Variants in CPEB2 observed in about 807,000 individuals in gnomAD.
CPEB2 encodes the protein cytoplasmic polyadenylation element-binding protein 2.
A neutral mutation model predicts 93.6 loss-of-function variants in CPEB2; 56 were observed. The observed-to-expected ratio is 0.60, with a 90% CI of 0.48 to 0.75. The LOEUF (loss-of-function observed/expected upper bound fraction) is 0.75. CPEB2 is among the 30% of genes least tolerant of loss of function. The pLI, the probability that CPEB2 is intolerant of heterozygous loss-of-function variation, is 0.00. For synonymous variants in CPEB2, 764 were observed against 586.3 expected (o/e 1.30, Z -4.38); for missense variants, 1,579 against 1,395.1 (o/e 1.13, Z -2.10).
intron 4 of CPEB2, among the ~76,000 whole-genome samples, chr4:15,027,967 T>G (rs1420231234): frequency 1.3e-5 from 2 of 152,196 alleles, no homozygotes; most frequent in African/African-American, 4.8e-5. Flanking sequence ...TAGCTTTGAG[T>G]TTGTGCGTTT....
intron 2 of CPEB2, among the ~76,000 whole-genome samples, chr4:15,008,110 G>A (rs965592925): frequency 4.0e-5 from 6 of 151,862 alleles, no homozygotes; most frequent in East Asian, 1.9e-4. Context: ...GGCCTAATAC[G>A]TTGATTAGAC....
At chr4:15,064,700 G>T (rs1191295830) in intron 11 of CPEB2, among the ~76,000 whole-genome samples, 1 of 152,122 alleles carries the variant, frequency 6.6e-6, no homozygotes, top group East Asian at 1.9e-4. Context: ...ACTGGGAACT[G>T]AATGTTGAGC....
At position 15,033,173 on chromosome 4, in the gene CPEB2, A is replaced by C. The variant is rs1247531935; in HGVS notation, c.2138A>C (p.Tyr713Ser). The C allele has an allele frequency of 5.6e-6, 9 of 1,605,164 alleles. No individual in the cohort carries two copies. Among genetic ancestry groups the C allele is most frequent in the Admixed American group, 1.7e-5 (1 of 59,784 alleles). ...EHDPLKGRLS[Y>S]PHPGTDNLLM... ...TGTCTTTTTAAAGGTCGATTGAGCT[A>C]TCCACATCCAGGAACTGACAATCTG... Residue 713 changes from tyrosine to serine, a missense_variant, in exon 5 of 12, where the codon TAT (tyrosine) becomes TCT (serine). Transcript: ENST00000538197.
At chr4:15,008,495 TTTA>T in intron 3 of CPEB2, 68 bp downstream of exon 3, 2 of 1,013,304 alleles carry the variant, frequency 2.0e-6, no homozygotes, top group Non-Finnish European at 3.0e-6. Context: ...ATGAGTAGGA[TTTA>T]TTATTTACTT....
intron 6 of CPEB2, 129 bp from the exon 7 acceptor site, chr4:15,052,285 C>A: frequency 1.8e-6 from 1 of 566,660 alleles, no homozygotes; most frequent in Non-Finnish European, 2.9e-6. Context: ...ATTTAAATTT[C>A]TCTTAATTTT....
At chr4:15,061,947 C>A (rs1166577336) in intron 10 of CPEB2, 132 bp from the exon 11 acceptor site, 2 of 793,294 alleles carry the variant, frequency 2.5e-6, no homozygotes, top group Non-Finnish European at 3.9e-6. Context: ...TTAACAACAG[C>A]CTCTTATCTG....
intron 4 of CPEB2, among the ~76,000 whole-genome samples, chr4:15,027,199 T>G (rs975391476): frequency 6.6e-6 from 1 of 152,226 alleles, no homozygotes; most frequent in Non-Finnish European, 1.5e-5. Flanking sequence ...GTATTCTATG[T>G]TCTTTGGTGT....
At chr4:15,031,650 T>C (rs1250157480) in intron 4 of CPEB2, among the ~76,000 whole-genome samples, 2 of 152,170 alleles carry the variant, frequency 1.3e-5, no homozygotes, top group Non-Finnish European at 2.9e-5. Context: ...ATAACACTTA[T>C]TTTACCTGTG....
intron 1 of CPEB2, chr4:15,006,445 AATT>A (rs1451891791): frequency 6.6e-6 from 1 of 151,908 alleles, no homozygotes; most frequent in Non-Finnish European, 1.5e-5. Flanking sequence ...CCAAAACTAC[AATT>A]ATTAGCGTTT....
chr4:15,061,727 A>G (rs1468620798), intron 10 of CPEB2, among the ~76,000 whole-genome samples: 1 of 147,602 alleles, frequency 6.8e-6, no homozygotes, highest in East Asian at 2.0e-4. Context: ...TAGAAGGGAA[A>G]GGGGAGAATT....
chr4:15,051,681 A>G (rs766258756), intron 6 of CPEB2, among the ~76,000 whole-genome samples: 1 of 152,198 alleles, frequency 6.6e-6, no homozygotes, highest in Non-Finnish European at 1.5e-5. Context: ...TACCATGGTT[A>G]CATATATAGA....
intron 10 of CPEB2, among the ~76,000 whole-genome samples, chr4:15,061,441 G>A (rs980650719): frequency 6.6e-6 from 1 of 151,590 alleles, no homozygotes; most frequent in Non-Finnish European, 1.5e-5. Flanking sequence ...GAGAAGGAAG[G>A]GATTAATTGT....
In CPEB2 at chr4:15,006,061, A is replaced by G. The variant is rs1553850386; in HGVS notation, c.1663-1244A>G. Among the ~76,000 whole-genome samples, 6 of 151,900 alleles carry G rather than the reference A, an allele frequency of 3.9e-5. No homozygotes were observed. In the South Asian group the frequency reaches 1.0e-3, roughly 26 times the overall value. On this transcript the variant is annotated intron_variant, in intron 1 of 11. Transcript: ENST00000538197. The stretch of plus-strand genomic sequence containing the variant: ...GTGTGAGAGGTCACACAGCTTTCAT[A>G]TGGAATTTTAGATCACTGGAAGATA...
At chr4:15,042,404 C>A (rs187795953) in intron 6 of CPEB2, among the ~76,000 whole-genome samples, 1 of 152,242 alleles carries the variant, frequency 6.6e-6, no homozygotes, top group Admixed American at 6.5e-5. Flanking sequence ...ATCTCTATCC[C>A]CCGTAAGCCA....
At chr4:15,011,353 G>A (rs187694990) in intron 3 of CPEB2, among the ~76,000 whole-genome samples, 68 of 152,028 alleles carry the variant, frequency 4.5e-4, no homozygotes, top group African/African-American at 1.5e-3. Flanking sequence ...CGCCCGCCTC[G>A]GCCTCCAGAG....
intron 5 of CPEB2, among the ~76,000 whole-genome samples, chr4:15,038,139 A>G (rs1294814158): frequency 1.3e-5 from 2 of 152,222 alleles, no homozygotes; most frequent in Non-Finnish European, 2.9e-5. Flanking sequence ...AATAAGTAGA[A>G]TAGCTCTTTA....
chr4:15,040,429 T>G (rs1181427721), intron 5 of CPEB2, 35 bp from the exon 6 acceptor site: 7 of 1,533,084 alleles, frequency 4.6e-6, no homozygotes, highest in Non-Finnish European at 6.1e-6. Flanking sequence ...TTTTTAGTTC[T>G]GACATTTTAC....
intron 8 of CPEB2, among the ~76,000 whole-genome samples, chr4:15,054,893 G>T (rs890828507): frequency 2.6e-5 from 4 of 152,080 alleles, no homozygotes; most frequent in Non-Finnish European, 4.4e-5. Context: ...AAAAAGAGGG[G>T]AGGTTCAAAG....
chr4:15,066,327 T>C lies in CPEB2; in HGVS notation c.3052T>C (p.Leu1018=), dbSNP rs1195964633. ...SRAGREFHKP[L]VKEGADRPRQ... ...TGCTGGACGTGAGTTCCATAAGCCATTGGTAAAGGAAGGTGCTGATCGCCC... is the reference window on the plus strand; with the variant it reads ...TGCTGGACGTGAGTTCCATAAGCCACTGGTAAAGGAAGGTGCTGATCGCCC... Residue 1018 remains leucine, a synonymous_variant, in exon 12 of 12, where the codon TTG becomes CTG. Coordinates refer to ENST00000538197, the MANE Select transcript of CPEB2 (RefSeq NM_001177382.2). The C allele has an allele frequency of 1.9e-6, 3 of 1,613,178 alleles. No homozygotes were observed. Among genetic ancestry groups the C allele is most frequent in the Admixed American group, 1.7e-5 (1 of 59,888 alleles).
Sources: allele counts gnomAD v4.1 joint callset (sites outside exome capture counted in the v4.1 genomes callset), GRCh38; gene constraint gnomAD v4.1.1; transcripts MANE v1.5; gene names NCBI Gene and HGNC (gene_info 2026-07-23, HGNC 2026-07-21).